The following FAM76A variants were observed in gnomAD, a reference collection of about 807,000 sequenced individuals.
FAM76A encodes protein FAM76A.
Under a neutral mutation model 46.2 loss-of-function variants are expected in FAM76A, and 32 were observed. That is an observed-to-expected ratio of 0.69 (90% confidence interval 0.52 to 0.93). The LOEUF is 0.93. FAM76A is among the 40% of genes least tolerant of loss of function. The pLI is 0.00. For missense variants in FAM76A, 274 were observed against 361.5 expected (o/e 0.76, Z 1.96); for synonymous variants, 137 against 127.0 (o/e 1.08, Z -0.53).
In FAM76A at chr1:27,756,629, T is replaced by C. The variant is rs1485820590; in HGVS notation, c.735+1299T>C. Among the ~76,000 whole-genome samples the C allele has an allele frequency of 5.9e-5, 9 of 152,120 alleles. No individual in the cohort carries two copies. In the South Asian group the frequency reaches 1.5e-3, roughly 25 times the overall value. On this transcript the variant is annotated intron_variant, in intron 7 of 8. Coordinates refer to ENST00000373954, the MANE Select transcript of FAM76A (RefSeq NM_152660.3). ...TTTATTTTCACATCAGAATATCTTC[T>C]ATCTTATATTTCTAATATCTTCACA...
At chr1:27,754,193 G>A (rs1169988389) in intron 6 of FAM76A, among the ~76,000 whole-genome samples, 2 of 136,916 alleles carry the variant, frequency 1.5e-5, no homozygotes, top group African/African-American at 5.5e-5. Context: ...TGCAACCTCC[G>A]CCTCCCAGGT....
rs2088496876 is a variant in FAM76A at position 27,760,900 on chromosome 1, TGTGGTGGTCACTGCTCAG to T, written c.*320_*337del. 1 of 127,620 alleles carries T rather than the reference TGTGGTGGTCACTGCTCAG, an allele frequency of 7.8e-6. No individual in the cohort carries two copies. The highest frequency in any genetic ancestry group is 1.6e-5 in the Non-Finnish European group (1 of 62,114). 7.9% of individuals were successfully genotyped at this position (127,620 alleles called of 1,614,324 possible). A position where few individuals can be genotyped will look rare whatever the true frequency, so the allele number is the denominator to read the frequency against. On this transcript the variant is annotated 3_prime_UTR_variant, in exon 9 of 9. Transcript: ENST00000373954. The stretch of plus-strand genomic sequence containing the variant: ...TTCTTTTTTTTTTTTTTTTTTTTTT[TGTGGTGGTCACTGCTCAG>T]TGTAATGTGCAGAATGATTTGTTTT...
intron 5 of FAM76A, among the ~76,000 whole-genome samples, chr1:27,748,607 G>A (rs1479544581): frequency 6.7e-6 from 1 of 148,824 alleles, no homozygotes; most frequent in African/African-American, 2.5e-5. Flanking sequence ...TCAGCCTCCT[G>A]CGTAGCTGGG....
intron 1 of FAM76A, among the ~76,000 whole-genome samples, chr1:27,726,628 A>ATT (rs755559347): frequency 2.1e-5 from 3 of 139,700 alleles, no homozygotes; most frequent in Admixed American, 7.2e-5. Context: ...GCAAGGCTTG[A>ATT]TTTTTTTTTT....
chr1:27,743,780 AC>A (rs201688156), intron 4 of FAM76A, among the ~76,000 whole-genome samples: 2 of 151,476 alleles, frequency 1.3e-5, no homozygotes, highest in African/African-American at 4.9e-5. Flanking sequence ...AAAAAAAAAA[AC>A]GAACACCTGA....
intron 2 of FAM76A, among the ~76,000 whole-genome samples, chr1:27,731,537 C>A (rs895186068): frequency 2.0e-5 from 3 of 152,090 alleles, no homozygotes; most frequent in African/African-American, 7.2e-5. Flanking sequence ...ATCATAGTGT[C>A]TTTTTCCCCA....
intron 3 of FAM76A, among the ~76,000 whole-genome samples, chr1:27,733,623 G>A (rs1166712059): frequency 2.6e-5 from 4 of 152,078 alleles, no homozygotes; most frequent in African/African-American, 7.2e-5. Flanking sequence ...TGAGGCAGGC[G>A]GATCACCTGA....
At chr1:27,740,354 G>T in intron 4 of FAM76A, 1 of 1,067,962 alleles carries the variant, frequency 9.4e-7, no homozygotes. Context: ...AAATAGATAC[G>T]GCCTTGGTTA....
Position 27,732,643 on chromosome 1 carries a change from C to A in FAM76A, c.187C>A (p.Gln63Lys). 1.2e-6 allele frequency: 2 copies of A among 1,608,564 alleles called. No individual in the cohort carries two copies. Among genetic ancestry groups the A allele is most frequent in the Non-Finnish European group, 1.7e-6 (2 of 1,175,842 alleles). The change falls in exon 3 of 9, where the codon CAG becomes AAG. Residue 63 changes from glutamine to lysine, a missense_variant. By Grantham distance (53) the Gln-to-Lys change is moderately conservative. Transcript: ENST00000373954. ...TICKKCAQNV[Q>K]LYGTPKPCQY... is the part of the protein sequence containing the mutation. ...ATGCAAGAAATGTGCTCAGAACGTGCAGTTGTATGGAACGGTAAGTAGGAT... is the reference window on the plus strand; with the variant it reads ...ATGCAAGAAATGTGCTCAGAACGTGAAGTTGTATGGAACGGTAAGTAGGAT...
intron 7 of FAM76A, among the ~76,000 whole-genome samples, chr1:27,757,837 C>T (rs1393057809): frequency 3.9e-5 from 6 of 151,944 alleles, no homozygotes; most frequent in East Asian, 1.9e-4. Flanking sequence ...ATTAGCTGGG[C>T]GTGGTGGTGG....
chr1:27,732,860 G>A (rs2087983329), intron 3 of FAM76A, among the ~76,000 whole-genome samples: 1 of 152,054 alleles, frequency 6.6e-6, no homozygotes, highest in African/African-American at 2.4e-5. Flanking sequence ...CCAGGATTAT[G>A]ATTATAATTT....
At chr1:27,731,198 ATT>A (rs34236376) in intron 2 of FAM76A, among the ~76,000 whole-genome samples, 11,023 of 109,842 alleles carry the variant, frequency 0.1, 1,109 homozygotes, top group East Asian at 0.29. Flanking sequence ...AGAAATCAGA[ATT>A]TTTTTTTTTT....
At chr1:27,740,135 CCTTTT>C (rs1208781161) in intron 4 of FAM76A, 17 of 480,224 alleles carry the variant, frequency 3.5e-5, no homozygotes, top group African/African-American at 3.0e-4. Context: ...TAGTCCAGGA[CCTTTT>C]CTTTGACATA....
At chr1:27,760,183 C>G in intron 8 of FAM76A, 1 of 362,858 alleles carries the variant, frequency 2.8e-6, no homozygotes, top group Admixed American at 3.9e-5. Flanking sequence ...AGATGTGATT[C>G]CAGATGTCTG....
intron 2 of FAM76A, among the ~76,000 whole-genome samples, chr1:27,731,326 C>A (rs2087954245): frequency 6.6e-6 from 1 of 151,682 alleles, no homozygotes; most frequent in Admixed American, 6.6e-5. Context: ...GCCTCAGCCC[C>A]CTGAGTAGCT....
At chr1:27,726,215 G>A (rs1034773600) in intron 1 of FAM76A, 54 bp downstream of exon 1, 64 of 1,238,984 alleles carry the variant, frequency 5.2e-5, no homozygotes, top group Non-Finnish European at 6.3e-5. Flanking sequence ...GCGCGGCCCG[G>A]AGCTCCAGAT....
chr1:27,734,268 C>T, intron 4 of FAM76A, 85 bp downstream of exon 4: 1 of 1,415,802 alleles, frequency 7.1e-7, no homozygotes, highest in East Asian at 2.6e-5. Context: ...ATTTAATAGG[C>T]CGGGCGTGGT....
At chr1:27,741,535 A>G (rs2088153552) in intron 4 of FAM76A, among the ~76,000 whole-genome samples, 2 of 152,150 alleles carry the variant, frequency 1.3e-5, no homozygotes, top group Non-Finnish European at 2.9e-5. Context: ...TAAGGAGGGC[A>G]TATTAGCTAC....
Position 27,742,233 on chromosome 1 carries a change from A to C in FAM76A, c.355-2421A>C, listed in dbSNP as rs143029022. 1.1e-4 allele frequency among the ~76,000 whole-genome samples: 17 copies of C among 152,176 alleles called. No homozygotes were observed. The East Asian group carries it at 3.3e-3, about 29-fold the overall frequency. ...GTAAAATTCCATAATGTATCAGCAT[A>C]CTCCCTGTCTAACCTGAGAAATTCC... On this transcript the variant is annotated intron_variant, in intron 4 of 8. Coordinates refer to ENST00000373954, the MANE Select transcript of FAM76A (RefSeq NM_152660.3).
Sources: gnomAD v4.1 joint callset for allele counts (sites outside exome capture counted in the v4.1 genomes callset) on GRCh38, gnomAD v4.1.1 for gene constraint, MANE v1.5 for transcripts, NCBI Gene and HGNC (gene_info 2026-07-23, HGNC 2026-07-21) for gene names.